EPYC: variants seen among roughly 807,000 people sequenced by gnomAD.
EPYC encodes epiphycan, also known as dermatan sulfate proteoglycan 3.
In EPYC, 28 loss-of-function variants were observed where a neutral mutation model predicts 30.1. That is an observed-to-expected ratio of 0.93 (90% CI 0.69 to 1.28). EPYC has a LOEUF of 1.28. EPYC is among the 50% of genes most tolerant of loss of function. The pLI is 0.00. For missense variants in EPYC, 382 were observed against 383.5 expected, an observed-to-expected ratio of 1.00 and a Z score of 0.03; for synonymous variants, 144 against 141.4, an observed-to-expected ratio of 1.02 and a Z score of -0.13.
chr12:90,995,915 G>A (rs1419130870), intron 2 of EPYC, among the ~76,000 whole-genome samples: 2 of 151,816 alleles, frequency 1.3e-5, no homozygotes, highest in African/African-American at 4.8e-5. Context: ...AGTAAAGAGA[G>A]AGATTAGCTT....
At chr12:91,004,386 T>C (rs1225649998) in intron 1 of EPYC, among the ~76,000 whole-genome samples, 1 of 152,150 alleles carries the variant, frequency 6.6e-6, no homozygotes, top group East Asian at 1.9e-4. Context: ...AAAAAATTTA[T>C]ATTCCTTTCT....
intron 2 of EPYC, among the ~76,000 whole-genome samples, chr12:90,986,373 C>T (rs1877448600): frequency 6.6e-6 from 1 of 152,020 alleles, no homozygotes; most frequent in African/African-American, 2.4e-5. Flanking sequence ...CCTGCAACAC[C>T]CCAATTCTAG....
intron 1 of EPYC, among the ~76,000 whole-genome samples, chr12:91,003,072 C>T (rs1351769809): frequency 6.6e-6 from 1 of 151,994 alleles, no homozygotes; most frequent in Non-Finnish European, 1.5e-5. Flanking sequence ...TTTCAGTGAT[C>T]CACAGTGTGG....
In EPYC at chr12:90,989,877, A is replaced by G. The variant is rs562663565; in HGVS notation, c.166-11615T>C. Among the ~76,000 whole-genome samples, 32 of 152,198 alleles carry G rather than the reference A, an allele frequency of 2.1e-4. No individual in the cohort carries two copies. The South Asian group carries it at 6.6e-3, about 32-fold the overall frequency. Reference sequence around the variant, plus strand: ...CTTAATAAGTTTCTTAAAATGTGTCATCTAGTTCTAATTAAATGTCTCCAA... The same window carrying G: ...CTTAATAAGTTTCTTAAAATGTGTCGTCTAGTTCTAATTAAATGTCTCCAA... On this transcript the variant is annotated intron_variant, in intron 2 of 6. Transcript: ENST00000261172.
intron 2 of EPYC, among the ~76,000 whole-genome samples, chr12:90,983,103 C>A (rs571470459): frequency 4.3e-4 from 65 of 152,206 alleles, no homozygotes; most frequent in African/African-American, 1.4e-3. Flanking sequence ...ACATTCCCAA[C>A]AAAGTATGCA....
intron 6 of EPYC, 70 bp downstream of exon 6, chr12:90,969,972 TTG>T (rs1876995344): frequency 9.6e-7 from 1 of 1,040,544 alleles, no homozygotes; most frequent in East Asian, 2.4e-5. Context: ...AGACAAATTC[TTG>T]TGTCCTGATG....
chr12:90,986,287 C>T (rs1221662968), intron 2 of EPYC, among the ~76,000 whole-genome samples: 1 of 152,020 alleles, frequency 6.6e-6, no homozygotes, highest in African/African-American at 2.4e-5. Flanking sequence ...TCCCTTAAGG[C>T]CTGAAGCTCA....
At chr12:90,990,915 A>G (rs1273728448) in intron 2 of EPYC, among the ~76,000 whole-genome samples, 1 of 152,144 alleles carries the variant, frequency 6.6e-6, no homozygotes, top group African/African-American at 2.4e-5. Flanking sequence ...ATCCTCTTCA[A>G]TGTCCATTCT....
chr12:90,997,515 A>G (rs1001445665), intron 2 of EPYC, among the ~76,000 whole-genome samples: 4 of 152,210 alleles, frequency 2.6e-5, no homozygotes, highest in Admixed American at 2.0e-4. Context: ...TGAAATATAA[A>G]TAACTTAAAA....
At chr12:90,996,258 T>A (rs1225166515) in intron 2 of EPYC, among the ~76,000 whole-genome samples, 2 of 151,884 alleles carry the variant, frequency 1.3e-5, no homozygotes, top group Non-Finnish European at 2.9e-5. Context: ...TTTTTATATA[T>A]CATTATCTAA....
rs568663042 is a variant in EPYC, at chr12:90,974,446, G to A, written c.341-1466C>T. The stretch of plus-strand genomic sequence containing the variant: ...ATGCTGAGAGGTTTGTGAAGAGCAA[G>A]GGATGAGACATAGTGATATCTATAA... On this transcript the variant is annotated intron_variant, in intron 3 of 6. Transcript: ENST00000261172. Among the ~76,000 whole-genome samples the A allele has an allele frequency of 3.3e-5, 5 of 152,212 alleles. No individual in the cohort carries two copies. In the East Asian group the frequency reaches 9.7e-4, roughly 29 times the overall value.
chr12:90,979,587 A>G (rs574607674), intron 2 of EPYC, among the ~76,000 whole-genome samples: 1 of 152,258 alleles, frequency 6.6e-6, no homozygotes, highest in East Asian at 1.9e-4. Context: ...TTTTTAAGGA[A>G]CACTAAACTT....
At chr12:91,004,457 C>T (rs1240547130) in intron 1 of EPYC, among the ~76,000 whole-genome samples, 2 of 151,964 alleles carry the variant, frequency 1.3e-5, no homozygotes, top group Non-Finnish European at 2.9e-5. Context: ...TTTGTGTTCA[C>T]TTTATACCAT....
At chr12:90,965,089 T>A (rs1876862129) in intron 6 of EPYC, among the ~76,000 whole-genome samples, 1 of 152,206 alleles carries the variant, frequency 6.6e-6, no homozygotes. Context: ...TCTGGACATT[T>A]CACGTAAGTA....
chr12:90,974,073 C>CA (rs1877124067), intron 3 of EPYC, among the ~76,000 whole-genome samples: 8 of 121,232 alleles, frequency 6.6e-5, no homozygotes, highest in South Asian at 4.7e-4. Flanking sequence ...CACACACACA[C>CA]CCCTACCTCT....
At chr12:91,001,655 G>A (rs903658261) in intron 2 of EPYC, among the ~76,000 whole-genome samples, 5 of 152,062 alleles carry the variant, frequency 3.3e-5, no homozygotes, top group African/African-American at 1.2e-4. Context: ...ATTCACTGTT[G>A]AGCTACAGTG....
Position 90,978,216 on chromosome 12 carries a change from G to A in EPYC, c.212C>T (p.Thr71Ile), listed in dbSNP as rs760621794. 3 of 1,602,224 alleles carry A rather than the reference G, an allele frequency of 1.9e-6. No individual in the cohort carries two copies. The highest frequency in any genetic ancestry group is 8.5e-7 in the Non-Finnish European group (1 of 1,175,428). ...VMPSGNRELL[T>I]PPPQPEKAQE... Reference sequence around the variant, plus strand: ...GGCCTTCTCAGGCTGTGGGGGTGGAGTGAGGAGCTCTCTGTTCCCTGAAGG... The same window carrying A: ...GGCCTTCTCAGGCTGTGGGGGTGGAATGAGGAGCTCTCTGTTCCCTGAAGG... Residue 71 changes from threonine (T) to isoleucine (I), a missense_variant, in exon 3 of 7, where the codon ACT becomes ATT. Coordinates refer to ENST00000261172, the MANE Select transcript of EPYC (RefSeq NM_004950.5).
chr12:90,994,347 C>T (rs1877652296), intron 2 of EPYC, among the ~76,000 whole-genome samples: 2 of 152,080 alleles, frequency 1.3e-5, no homozygotes, highest in African/African-American at 4.8e-5. Context: ...TGCTATGTAC[C>T]AGGTTCTGTA....
rs1483675576 is a variant in EPYC at position 90,970,158 on chromosome 12, TGGGA to T, written c.703-23_703-20del. ...ACATGTCCTGTAAACATTCCAAATG[TGGGA>T]ACTCAATAAAAACTCAATAAAAACT... On this transcript the variant is annotated intron_variant, in intron 5 of 6. Coordinates refer to ENST00000261172, the MANE Select transcript of EPYC (RefSeq NM_004950.5). 11 of 1,560,518 alleles carry T rather than the reference TGGGA, an allele frequency of 7.0e-6. No homozygotes were observed. In the African/African-American group the frequency reaches 1.4e-4, roughly 19 times the overall value.
Sources: allele counts gnomAD v4.1 joint callset (sites outside exome capture counted in the v4.1 genomes callset), GRCh38; gene constraint gnomAD v4.1.1; transcripts MANE v1.5; gene names NCBI Gene and HGNC (gene_info 2026-07-23, HGNC 2026-07-21).